NLRP8: variants seen among roughly 807,000 people sequenced by gnomAD.
NLRP8 encodes the protein NLR family pyrin domain containing 8, also known as NACHT, LRR and PYD domains-containing protein 8.
Under a neutral mutation model 88.7 loss-of-function variants are expected in NLRP8, and 86 were observed. That is an observed-to-expected ratio of 0.97 (90% confidence interval 0.81 to 1.16). The LOEUF (loss-of-function observed/expected upper bound fraction) is 1.16. NLRP8 is among the 50% of genes most tolerant of loss of function. The pLI is 0.00. For missense variants in NLRP8, 1,342 were observed against 1,286.5 expected (o/e 1.04, Z -0.66); for synonymous variants, 504 against 494.6 (o/e 1.02, Z -0.25).
intron 5 of NLRP8, among the ~76,000 whole-genome samples, chr19:55,969,381 T>A (rs1979978219): frequency 6.6e-6 from 1 of 152,178 alleles, no homozygotes; most frequent in Non-Finnish European, 1.5e-5. Flanking sequence ...CATCCCTGAG[T>A]TACTTAGAAT....
Position 55,973,768 on chromosome 19 carries a change from C to T in NLRP8, c.2651C>T (p.Ala884Val), listed in dbSNP as rs780641991. The T allele has an allele frequency of 6.2e-7, 1 of 1,613,984 alleles. No individual in the cohort carries two copies. The highest frequency in any genetic ancestry group is 8.5e-7 in the Non-Finnish European group (1 of 1,179,934). ...GAAAACGCCTTGAAAGATGAAGGGG[C>T]CAAGCATATTTGGAATGCCCTGCCA... Residue 884 changes from alanine to valine, a missense_variant, in exon 7 of 10, where the codon GCC becomes GTC. Physicochemically the swap from Ala to Val is moderately conservative, Grantham distance 64. Transcript: ENST00000291971.
chr19:55,971,988 C>A (rs1423876881), intron 6 of NLRP8, among the ~76,000 whole-genome samples: 2 of 152,020 alleles, frequency 1.3e-5, no homozygotes, highest in Non-Finnish European at 2.9e-5. Context: ...GTATTTAATG[C>A]GTCTTTCCTT....
rs753961536 is a variant in NLRP8 at position 55,973,736 on chromosome 19, C to T, written c.2619C>T (p.Ser873=). Reference sequence around the variant, plus strand: ...AGAGTAAGATGCTGACCCACCTGAGCTTGGCAGAAAACGCCTTGAAAGATG... The same window carrying T: ...AGAGTAAGATGCTGACCCACCTGAGTTTGGCAGAAAACGCCTTGAAAGATG... The change falls in exon 7 of 10, where the codon AGC becomes AGT. Residue 873 remains serine (S), a synonymous_variant. Coordinates refer to ENST00000291971, the MANE Select transcript of NLRP8 (RefSeq NM_176811.2). The T allele has an allele frequency of 1.2e-6, 2 of 1,614,102 alleles. No homozygotes were observed. The highest frequency in any genetic ancestry group is 8.5e-7 in the Non-Finnish European group (1 of 1,180,002).
Position 55,948,200 on chromosome 19 carries a change from G to T in NLRP8, c.298G>T (p.Val100Leu). ...TTTCCCTGGACGACGCGCTTGGGAT[G>T]TGACTTCGAACATCTTTGCCATTAT... is the stretch of plus-strand genomic sequence containing the variant. Residue 100 changes from valine (V) to leucine (L), a missense_variant, in exon 1 of 10, where the codon GTG (valine) becomes TTG (leucine). Transcript: ENST00000291971. 6.2e-7 allele frequency: 1 copy of T among 1,614,186 alleles called. No individual in the cohort carries two copies. Among genetic ancestry groups the T allele is most frequent in the Non-Finnish European group, 8.5e-7 (1 of 1,180,032 alleles).
intron 5 of NLRP8, among the ~76,000 whole-genome samples, chr19:55,969,074 G>C (rs1184125767): frequency 6.6e-6 from 1 of 152,144 alleles, no homozygotes; most frequent in East Asian, 1.9e-4. Context: ...GACATTTACT[G>C]CCACACACCT....
At chr19:55,960,141 T>C (rs1344237304) in intron 3 of NLRP8, among the ~76,000 whole-genome samples, 1 of 152,156 alleles carries the variant, frequency 6.6e-6, no homozygotes, top group African/African-American at 2.4e-5. Flanking sequence ...CTCTTGGTGG[T>C]CTTTTGTTAC....
intron 9 of NLRP8, among the ~76,000 whole-genome samples, chr19:55,987,052 C>T (rs10414833): frequency 3.3e-5 from 5 of 152,196 alleles, no homozygotes; most frequent in African/African-American, 1.2e-4. Context: ...GTCTCTCGTC[C>T]TTTTCAGACA....
chr19:55,962,819 C>G (rs1255802116), intron 4 of NLRP8, among the ~76,000 whole-genome samples: 3 of 152,038 alleles, frequency 2.0e-5, no homozygotes, highest in Non-Finnish European at 4.4e-5. Context: ...ATTAAATGAT[C>G]ATCACGACAG....
intron 7 of NLRP8, among the ~76,000 whole-genome samples, chr19:55,974,747 A>G (rs1411970032): frequency 5.3e-5 from 8 of 151,504 alleles, no homozygotes; most frequent in Admixed American, 2.0e-4. Context: ...AAAAAAAAAA[A>G]AAAGAAAGAA....
At chr19:55,957,037 C>G (rs1028293711) in intron 3 of NLRP8, among the ~76,000 whole-genome samples, 13 of 152,194 alleles carry the variant, frequency 8.5e-5, no homozygotes, top group African/African-American at 3.1e-4. Context: ...AAGCAATCTT[C>G]CCACCTTGGC....
intron 5 of NLRP8, among the ~76,000 whole-genome samples, chr19:55,968,237 G>A (rs1979927763): frequency 6.6e-6 from 1 of 152,030 alleles, no homozygotes; most frequent in Non-Finnish European, 1.5e-5. Context: ...TTGAGAGTTC[G>A]AGACCAGCCT....
chr19:55,976,077 T>G, intron 7 of NLRP8, 56 bp from the exon 8 acceptor site: 11 of 1,367,894 alleles, frequency 8.0e-6, no homozygotes, highest in Non-Finnish European at 9.8e-6. Flanking sequence ...GTTGTTGTTG[T>G]TGTTGTTTTG....
chr19:55,952,922 C>CA (rs1207226366), intron 2 of NLRP8, among the ~76,000 whole-genome samples: 7 of 151,400 alleles, frequency 4.6e-5, no homozygotes, highest in Admixed American at 1.3e-4. Context: ...GACTCCATCT[C>CA]AAAAAAAATA....
chr19:55,956,108 C>T lies in NLRP8; in HGVS notation c.2042+8C>T, dbSNP rs1328210183. The T allele has an allele frequency of 6.2e-7, 1 of 1,605,876 alleles. No homozygotes were observed. The highest frequency in any genetic ancestry group is 1.1e-5 in the South Asian group (1 of 89,728). Reference sequence around the variant, plus strand: ...CTCCCATCCTGGCTCTGAGTAAGTGCTTCGGTCCCTCCTTGGGTAGCCCGT... The same window carrying T: ...CTCCCATCCTGGCTCTGAGTAAGTGTTTCGGTCCCTCCTTGGGTAGCCCGT... On this transcript the variant is annotated splice_region_variant and intron_variant, in intron 3 of 9. Transcript: ENST00000291971.
intron 3 of NLRP8, among the ~76,000 whole-genome samples, chr19:55,958,138 G>A (rs923180034): frequency 3.3e-5 from 5 of 152,098 alleles, no homozygotes; most frequent in Admixed American, 1.3e-4. Context: ...AGAGAGAGGC[G>A]ATTTAGACTG....
chr19:55,950,688 G>A (rs1000816140), intron 1 of NLRP8, among the ~76,000 whole-genome samples: 21 of 152,296 alleles, frequency 1.4e-4, no homozygotes, highest in African/African-American at 5.1e-4. Flanking sequence ...ACGCCTATGT[G>A]GTGCCACACT....
chr19:55,972,809 A>ATGTGTGTGTGTGTGTGTGTGTATG (rs1980137220), intron 6 of NLRP8, among the ~76,000 whole-genome samples: 1 of 135,036 alleles, frequency 7.4e-6, no homozygotes, highest in African/African-American at 2.7e-5. Flanking sequence ...GTGTGTGTGT[A>ATGTGTGTGTGTGTGTGTGTGTATG]TGTGTGTGTG....
Position 55,955,052 on chromosome 19 carries a change from A to T in NLRP8, c.994A>T (p.Ile332Phe). 1 of 1,614,104 alleles carries T rather than the reference A, an allele frequency of 6.2e-7. No individual in the cohort carries two copies. Among genetic ancestry groups the T allele is most frequent in the East Asian group, 2.2e-5 (1 of 44,878 alleles). The change falls in exon 3 of 10, where the codon ATC becomes TTC. Residue 332 changes from isoleucine to phenylalanine, a missense_variant. Transcript: ENST00000291971. ...GATGCTTCCAGAGGCCACGCTACTG[A>T]TCATGATAAGATTTACCTCTTGGCA...
chr19:55,958,035 T>C (rs777658817), intron 3 of NLRP8, among the ~76,000 whole-genome samples: 2 of 152,190 alleles, frequency 1.3e-5, no homozygotes, highest in Non-Finnish European at 2.9e-5. Flanking sequence ...CATGTTGCAC[T>C]GGAGGTCAGG....
Sources: gnomAD v4.1 joint callset for allele counts (sites outside exome capture counted in the v4.1 genomes callset) on GRCh38, gnomAD v4.1.1 for gene constraint, MANE v1.5 for transcripts, NCBI Gene and HGNC (gene_info 2026-07-23, HGNC 2026-07-21) for gene names.